TBC1D22A: variants seen among roughly 807,000 people sequenced by gnomAD.
The protein encoded by TBC1D22A is TBC1 domain family member 22A.
A neutral mutation model predicts 60.2 loss-of-function variants in TBC1D22A; 38 were observed. That is an observed-to-expected ratio of 0.63 (90% confidence interval 0.49 to 0.83). The LOEUF (loss-of-function observed/expected upper bound fraction) is 0.83. TBC1D22A is among the 40% of genes least tolerant of loss of function. The pLI is 0.00. For missense variants in TBC1D22A, 628 were observed against 701.0 expected, an observed-to-expected ratio of 0.90 and a Z score of 1.18; for synonymous variants, 302 against 281.7, an observed-to-expected ratio of 1.07 and a Z score of -0.72.
At chr22:47,133,559 A>T (rs1309123147) in intron 12 of TBC1D22A, among the ~76,000 whole-genome samples, 2 of 152,168 alleles carry the variant, frequency 1.3e-5, no homozygotes, top group African/African-American at 4.8e-5. Context: ...GAGTTGACAT[A>T]CTGCTTAAGA....
rs1046628639 is a variant in TBC1D22A at position 46,990,085 on chromosome 22, T to C, written c.1126-7549T>C. Among the ~76,000 whole-genome samples, 3 of 152,218 alleles carry C rather than the reference T, an allele frequency of 2.0e-5. No individual in the cohort carries two copies. The highest frequency in any genetic ancestry group is 7.2e-5 in the African/African-American group (3 of 41,458). ...TCCCAAAGTGCTGGGATTACAGATGTGCGCCACCGCGCCCGGCCGCAAAAT... is the reference window on the plus strand; with the variant it reads ...TCCCAAAGTGCTGGGATTACAGATGCGCGCCACCGCGCCCGGCCGCAAAAT... On this transcript the variant is annotated intron_variant, in intron 9 of 12. Transcript: ENST00000337137. This position sits in a 1 kb window ranked among gnomAD's most constrained non-coding sequence, Gnocchi z 4.6.
At chr22:46,900,012 C>A (rs568012545) in intron 7 of TBC1D22A, among the ~76,000 whole-genome samples, 1 of 145,932 alleles carries the variant, frequency 6.9e-6, no homozygotes, top group South Asian at 2.3e-4. Flanking sequence ...ATGGCTGGGT[C>A]CACTGTGATC....
intron 11 of TBC1D22A, among the ~76,000 whole-genome samples, chr22:47,056,148 A>G (rs1005446127): frequency 2.6e-5 from 4 of 152,060 alleles, no homozygotes; most frequent in African/African-American, 9.7e-5. Context: ...AAAGTCTCTC[A>G]GGAAGAGTGT....
At chr22:47,038,074 C>T (rs188925397) in intron 11 of TBC1D22A, among the ~76,000 whole-genome samples, 5 of 152,262 alleles carry the variant, frequency 3.3e-5, no homozygotes, top group East Asian at 1.9e-4. Flanking sequence ...TCATTTTGTT[C>T]GAGATGTTTG....
intron 11 of TBC1D22A, among the ~76,000 whole-genome samples, chr22:47,055,705 G>T (rs1021782348): frequency 6.6e-6 from 1 of 152,042 alleles, no homozygotes; most frequent in Non-Finnish European, 1.5e-5. Context: ...CACCTAGGAG[G>T]CTGGGGAGGA....
chr22:46,775,558 G>A (rs1291652784), intron 1 of TBC1D22A, among the ~76,000 whole-genome samples: 1 of 152,180 alleles, frequency 6.6e-6, no homozygotes, highest in Admixed American at 6.5e-5. Context: ...GGTGATTCCT[G>A]TGCGGCCACA....
chr22:47,168,417 C>T (rs1196148100), intron 12 of TBC1D22A, among the ~76,000 whole-genome samples: 4 of 97,016 alleles, frequency 4.1e-5, no homozygotes, highest in Non-Finnish European at 9.0e-5. Context: ...ACTGCCCAGC[C>T]AAGTGCTGTG....
chr22:47,158,953 C>G lies in TBC1D22A; in HGVS notation c.1426-14545C>G, dbSNP rs374069901. Among the ~76,000 whole-genome samples, 872 of 151,808 alleles carry G rather than the reference C, an allele frequency of 5.7e-3. 7 individuals carry two copies. Among genetic ancestry groups the G allele is most frequent in the Middle Eastern group, 0.024 (7 of 294 alleles). On this transcript the variant is annotated intron_variant, in intron 12 of 12. Coordinates refer to ENST00000337137, the MANE Select transcript of TBC1D22A (RefSeq NM_014346.5). ...ACTCACCATGTACACACACACACAC[C>G]ATGTATACACAGACACCACACACAA...
chr22:46,917,615 C>T (rs974877333), intron 8 of TBC1D22A, among the ~76,000 whole-genome samples: 1 of 152,060 alleles, frequency 6.6e-6, no homozygotes, highest in Non-Finnish European at 1.5e-5. Flanking sequence ...TGTGCTCTGT[C>T]GGCAGTGATT....
chr22:46,781,992 T>G (rs1352657227), intron 1 of TBC1D22A, among the ~76,000 whole-genome samples: 1 of 152,216 alleles, frequency 6.6e-6, no homozygotes, highest in Non-Finnish European at 1.5e-5. Flanking sequence ...CTGAAGTGTG[T>G]TGTTCTGTGG....
chr22:47,172,796 G>T (rs2068536845), intron 12 of TBC1D22A, among the ~76,000 whole-genome samples: 1 of 152,240 alleles, frequency 6.6e-6, no homozygotes, highest in African/African-American at 2.4e-5. Context: ...CCTGAAGCTG[G>T]GTTTGGTGGA....
At chr22:46,803,472 G>A (rs1036378172) in intron 4 of TBC1D22A, among the ~76,000 whole-genome samples, 1 of 152,200 alleles carries the variant, frequency 6.6e-6, no homozygotes, top group African/African-American at 2.4e-5. Flanking sequence ...CGGCCCCCAG[G>A]AGCTGAGGCG....
intron 9 of TBC1D22A, among the ~76,000 whole-genome samples, chr22:46,995,915 C>A (rs959433684): frequency 9.9e-5 from 15 of 152,166 alleles, no homozygotes; most frequent in Non-Finnish European, 2.1e-4. Flanking sequence ...CAGTCCTGAG[C>A]CTATGGAAAA....
chr22:47,168,524 G>T (rs2068295267), intron 12 of TBC1D22A, among the ~76,000 whole-genome samples: 3 of 152,240 alleles, frequency 2.0e-5, no homozygotes, highest in Admixed American at 6.5e-5. Flanking sequence ...GTGCTCGTGG[G>T]GTCAGGCAGC....
At chr22:46,958,422 A>G (rs908589207) in intron 8 of TBC1D22A, among the ~76,000 whole-genome samples, 1 of 152,084 alleles carries the variant, frequency 6.6e-6, no homozygotes, top group African/African-American at 2.4e-5. Flanking sequence ...CAGTCGTTAC[A>G]TTGGGATGGG....
chr22:46,993,960 C>T (rs541727248), intron 9 of TBC1D22A, among the ~76,000 whole-genome samples: 16 of 152,214 alleles, frequency 1.1e-4, no homozygotes, highest in East Asian at 1.9e-4. Context: ...TGGGGCCGGG[C>T]GTCCCTGCTA....
rs182626220 is a variant in TBC1D22A at position 47,138,396 on chromosome 22, G to A, written c.1425+26793G>A. Among the ~76,000 whole-genome samples, 856 of 152,212 alleles carry A rather than the reference G, an allele frequency of 5.6e-3. 12 individuals carry two copies. The highest frequency in any genetic ancestry group is 0.02 in the African/African-American group (822 of 41,530). ...TAGGACACACAGACCCCACCCCAAG[G>A]TGCTCTTGGCCTCTGGGGGACAGGG... is the stretch of plus-strand genomic sequence containing the variant. On this transcript the variant is annotated intron_variant, in intron 12 of 12. Coordinates refer to ENST00000337137, the MANE Select transcript of TBC1D22A (RefSeq NM_014346.5).
chr22:46,792,757 A>G, intron 2 of TBC1D22A, 181 bp downstream of exon 2: 1 of 1,479,078 alleles, frequency 6.8e-7, no homozygotes, highest in Non-Finnish European at 9.0e-7. Flanking sequence ...CGTGCTGCGC[A>G]TCCCGGTGAA....
intron 4 of TBC1D22A, among the ~76,000 whole-genome samples, chr22:46,801,247 A>G (rs2084883288): frequency 6.6e-6 from 1 of 152,250 alleles, no homozygotes; most frequent in South Asian, 2.1e-4. Flanking sequence ...ATCGCCAGTA[A>G]ATTGCCTGTT....
Sources: allele counts gnomAD v4.1 joint callset (sites outside exome capture counted in the v4.1 genomes callset), GRCh38; gene constraint gnomAD v4.1.1; non-coding constraint Gnocchi (gnomAD v3.1); transcripts MANE v1.5; gene names NCBI Gene and HGNC (gene_info 2026-07-23, HGNC 2026-07-21).